KCNMA1: variants seen among roughly 807,000 people sequenced by gnomAD.
KCNMA1 encodes potassium calcium-activated channel subfamily M alpha 1, also known as Calcium-activated potassium channel subunit alpha-1.
KCNMA1 carries 29 observed loss-of-function variants against 140.0 expected under a neutral mutation model. That is an observed-to-expected ratio of 0.21 (90% confidence interval 0.15 to 0.28). KCNMA1 has a LOEUF of 0.28. Among genes scored for constraint, KCNMA1 ranks in the 10% least tolerant of loss-of-function variants. The pLI is 1.00. For missense variants in KCNMA1, 880 were observed against 1,602.2 expected, an observed-to-expected ratio of 0.55 and a Z score of 7.70; for synonymous variants, 612 against 611.9, an observed-to-expected ratio of 1.00 and a Z score of 0.00.
intron 1 of KCNMA1, among the ~76,000 whole-genome samples, chr10:77,564,083 G>A (rs1422644854): frequency 6.6e-6 from 1 of 152,206 alleles, no homozygotes; most frequent in Non-Finnish European, 1.5e-5. Flanking sequence ...TGGGGCTAAA[G>A]TCCAAGAGAT....
At chr10:77,177,287 T>C in intron 5 of KCNMA1, among the ~76,000 whole-genome samples, 1 of 151,296 alleles carries the variant, frequency 6.6e-6, no homozygotes, top group Non-Finnish European at 1.5e-5. Context: ...TCTTCCTTCC[T>C]TCTTTCCTTC....
intron 2 of KCNMA1, among the ~76,000 whole-genome samples, chr10:77,298,853 A>C (rs183033534): frequency 2.0e-4 from 30 of 152,334 alleles, no homozygotes; most frequent in Admixed American, 6.5e-4. Flanking sequence ...CAGGCAGGAC[A>C]GTCTGTAAGA....
At position 77,555,066 on chromosome 10, in the gene KCNMA1, G is replaced by A. The variant is rs7916246; in HGVS notation, c.378+82199C>T. ...CTTCACTCTTACCACATACACACAC[G>A]CACGCACACCACAGGAAAACGCATC... On this transcript the variant is annotated intron_variant, in intron 1 of 27. Coordinates refer to ENST00000286628, the MANE Select transcript of KCNMA1 (RefSeq NM_001161352.2). Among the ~76,000 whole-genome samples the A allele has an allele frequency of 7.5e-3, 781 of 104,072 alleles. 7 individuals carry two copies. The highest frequency in any genetic ancestry group is 0.033 in the African/African-American group (730 of 22,238). The allele number at this position is 104,072 out of a possible 152,430, so 68.3% of individuals were successfully genotyped here.
intron 1 of KCNMA1, among the ~76,000 whole-genome samples, chr10:77,537,448 A>G (rs1051559978): frequency 6.6e-6 from 1 of 152,196 alleles, no homozygotes; most frequent in Admixed American, 6.5e-5. Flanking sequence ...CCATGGACAA[A>G]TGCCAGAACC....
chr10:77,086,036 G>C (rs1374487596), intron 11 of KCNMA1, among the ~76,000 whole-genome samples: 1 of 152,050 alleles, frequency 6.6e-6, no homozygotes, highest in African/African-American at 2.4e-5. Flanking sequence ...AAGCTCAAAT[G>C]TTTTATCGCT....
intron 21 of KCNMA1, among the ~76,000 whole-genome samples, chr10:76,953,436 C>T (rs1041801401): frequency 6.6e-6 from 1 of 151,998 alleles, no homozygotes; most frequent in Non-Finnish European, 1.5e-5. Context: ...ATAAGAAAAC[C>T]GAAGTGCAAA....
At chr10:77,327,899 T>A (rs1380748829) in intron 2 of KCNMA1, among the ~76,000 whole-genome samples, 1 of 152,224 alleles carries the variant, frequency 6.6e-6, no homozygotes, top group Non-Finnish European at 1.5e-5. Flanking sequence ...TGGGGATTTT[T>A]ATGTCAACAC....
At chr10:76,966,160 T>C (rs2073854127) in intron 20 of KCNMA1, among the ~76,000 whole-genome samples, 2 of 152,208 alleles carry the variant, frequency 1.3e-5, no homozygotes, top group South Asian at 2.1e-4. Context: ...TTGCACACAG[T>C]AGGCTCTCGC....
At chr10:76,989,864 C>G (rs1428022774) in intron 19 of KCNMA1, among the ~76,000 whole-genome samples, 1 of 150,668 alleles carries the variant, frequency 6.6e-6, no homozygotes, top group Admixed American at 6.6e-5. Flanking sequence ...TTATTTCCAT[C>G]AATACTATGG....
At chr10:77,416,432 T>C (rs1425325746) in intron 1 of KCNMA1, among the ~76,000 whole-genome samples, 1 of 151,890 alleles carries the variant, frequency 6.6e-6, no homozygotes, top group African/African-American at 2.4e-5. Flanking sequence ...TATAACAACC[T>C]CCCGGGAAAT....
chr10:76,885,673 ACCAGC>A lies in KCNMA1; in HGVS notation c.*1588_*1592del, dbSNP rs2036575005. On this transcript the variant is annotated 3_prime_UTR_variant, in exon 28 of 28. Transcript: ENST00000286628. ...AGTAAAACTTTTCAAATATGTATAT[ACCAGC>A]CTAGTCCATCCATAAGGGAAATTGG... 1 of 985,208 alleles carries A rather than the reference ACCAGC, an allele frequency of 1.0e-6. No homozygotes were observed. The highest frequency in any genetic ancestry group is 1.2e-6 in the Non-Finnish European group (1 of 829,882). The allele number at this position is 985,208 out of a possible 1,614,324, so 61.0% of individuals were successfully genotyped here.
At chr10:77,584,294 G>C (rs185743694) in intron 1 of KCNMA1, among the ~76,000 whole-genome samples, 115 of 152,322 alleles carry the variant, frequency 7.5e-4, no homozygotes, top group Admixed American at 1.8e-3. Flanking sequence ...CGTAAGACTT[G>C]TGGGAAGCCC....
At position 77,027,911 on chromosome 10, in the gene KCNMA1, C is replaced by A. The variant is rs200414751; in HGVS notation, c.1860-20G>T. ...CACAGCCTGCAATGAGATGGAGAAG[C>A]CTCCCAATCAGTTCTTCTGAATGAC... is the stretch of plus-strand genomic sequence containing the variant. On this transcript the variant is annotated intron_variant, in intron 15 of 27. Coordinates refer to ENST00000286628, the MANE Select transcript of KCNMA1 (RefSeq NM_001161352.2). The A allele has an allele frequency of 5.1e-5, 82 of 1,607,812 alleles. No individual in the cohort carries two copies. The highest frequency in any genetic ancestry group is 6.2e-5 in the Non-Finnish European group (73 of 1,175,062).
intron 1 of KCNMA1, among the ~76,000 whole-genome samples, chr10:77,415,206 T>G (rs2096713330): frequency 6.6e-6 from 1 of 152,224 alleles, no homozygotes; most frequent in Non-Finnish European, 1.5e-5. Context: ...TAAGGCAACC[T>G]CCAAACTTTC....
intron 1 of KCNMA1, among the ~76,000 whole-genome samples, chr10:77,513,376 C>G (rs1024945299): frequency 7.9e-5 from 12 of 152,312 alleles, no homozygotes; most frequent in African/African-American, 2.9e-4. Context: ...TGTCTTCCTA[C>G]AAGTTAGCAG....
intron 2 of KCNMA1, among the ~76,000 whole-genome samples, chr10:77,274,320 T>C (rs2066004873): frequency 6.6e-6 from 1 of 152,014 alleles, no homozygotes; most frequent in African/African-American, 2.4e-5. Flanking sequence ...ACAAATCCCC[T>C]CTCCTTCCCT....
chr10:76,877,622 G>A (rs2032634198), downstream of KCNMA1: 5 of 895,540 alleles, frequency 5.6e-6, no homozygotes. Flanking sequence ...TTTATTTTCT[G>A]GCAATTCTTG....
At chr10:77,270,262 G>T (rs2064641782) in intron 2 of KCNMA1, among the ~76,000 whole-genome samples, 2 of 152,114 alleles carry the variant, frequency 1.3e-5, no homozygotes, top group Non-Finnish European at 1.5e-5. Flanking sequence ...GCAAAATGGG[G>T]GTTGTGTTCA....
chr10:77,447,542 A>G (rs539391029), intron 1 of KCNMA1, among the ~76,000 whole-genome samples: 74 of 152,352 alleles, frequency 4.9e-4, no homozygotes, highest in African/African-American at 1.8e-3. Flanking sequence ...AGGCACACTC[A>G]CAGCAGCTGC....
Sources: allele counts gnomAD v4.1 joint callset (sites outside exome capture counted in the v4.1 genomes callset), GRCh38; gene constraint gnomAD v4.1.1; transcripts MANE v1.5; gene names NCBI Gene and HGNC (gene_info 2026-07-23, HGNC 2026-07-21).